PPA2: variants seen among roughly 807,000 people sequenced by gnomAD.
PPA2 encodes inorganic pyrophosphatase 2, mitochondrial.
Under a neutral mutation model 49.5 loss-of-function variants are expected in PPA2, and 48 were observed. The ratio of observed to expected loss-of-function variants is 0.97; its 90% CI spans 0.77 to 1.23. PPA2 has a LOEUF of 1.23. Ranked by LOEUF, PPA2 falls within the 50% of genes most tolerant of loss-of-function variation. The pLI is 0.00. For missense variants in PPA2, 429 were observed against 410.1 expected (o/e 1.05, Z -0.40); for synonymous variants, 131 against 139.9 (o/e 0.94, Z 0.45).
At position 105,396,333 on chromosome 4, in the gene PPA2, G is replaced by A. The variant is rs768973398; in HGVS notation, c.785C>T (p.Ala262Val). 2.0e-5 allele frequency: 31 copies of A among 1,570,086 alleles called. No homozygotes were observed. The highest frequency in any genetic ancestry group is 2.7e-5 in the Non-Finnish European group (31 of 1,159,654). ...GGATTTAATAACTTCAAGAGCAAAA[G>A]CCTAGCTCCAAACAAACAAATAAAA... Reference protein sequence around the residue: ...FAFNGEFKNKAFALEVIKSTH... With the variant: ...FAFNGEFKNKVFALEVIKSTH... The change falls in exon 9 of 12, where the codon GCT becomes GTT. Residue 262 changes from alanine to valine, a missense_variant and splice_region_variant. Coordinates refer to ENST00000341695, the MANE Select transcript of PPA2 (RefSeq NM_176869.3).
At chr4:105,470,411 G>A (rs1307929518) in intron 1 of PPA2, among the ~76,000 whole-genome samples, 2 of 152,152 alleles carry the variant, frequency 1.3e-5, no homozygotes, top group Non-Finnish European at 2.9e-5. Context: ...GCTTGAGCTG[G>A]GGAAGTCAAG....
At chr4:105,383,198 C>A (rs1351432795) in intron 10 of PPA2, among the ~76,000 whole-genome samples, 1 of 152,104 alleles carries the variant, frequency 6.6e-6, no homozygotes, top group African/African-American at 2.4e-5. Flanking sequence ...ATAGTTCAAA[C>A]ATCTATATTT....
chr4:105,471,595 A>T (rs1055943140), intron 1 of PPA2, among the ~76,000 whole-genome samples: 5 of 152,166 alleles, frequency 3.3e-5, no homozygotes, highest in African/African-American at 1.2e-4. Flanking sequence ...ACATTAGTCC[A>T]CCCTAGTACT....
At chr4:105,412,895 T>G (rs866826413) in intron 7 of PPA2, among the ~76,000 whole-genome samples, 2 of 152,150 alleles carry the variant, frequency 1.3e-5, no homozygotes, top group South Asian at 4.1e-4. Flanking sequence ...GGAGTGTAAA[T>G]TAGTTCAACC....
rs1313778889 is a variant in PPA2, at chr4:105,369,559, G to C, written c.*166C>G. 1.6e-6 allele frequency: 1 copy of C among 618,562 alleles called. No homozygotes were observed. Among genetic ancestry groups the C allele is most frequent in the African/African-American group, 1.9e-5 (1 of 53,610 alleles). The allele number at this position is 618,562 out of a possible 1,614,324, so 38.3% of individuals were successfully genotyped here. ...TTTATATCAATAAATGTCCAAAGGA[G>C]AGTAATTTAAAATTCTTACTGTTTA... On this transcript the variant is annotated 3_prime_UTR_variant, in exon 12 of 12. Coordinates refer to ENST00000341695, the MANE Select transcript of PPA2 (RefSeq NM_176869.3).
intron 1 of PPA2, among the ~76,000 whole-genome samples, chr4:105,469,320 A>T (rs766725019): frequency 3.3e-5 from 5 of 152,210 alleles, no homozygotes; most frequent in African/African-American, 4.8e-5. Context: ...AACTGGTCTG[A>T]AATCAGATTT....
intron 9 of PPA2, among the ~76,000 whole-genome samples, chr4:105,392,212 TATA>T (rs200034424): frequency 0.012 from 1,777 of 151,776 alleles, 44 homozygotes; most frequent in African/African-American, 0.041. Context: ...TCTCTGTTAA[TATA>T]ATATTTAGAT....
chr4:105,448,424 T>A (rs182315311), intron 4 of PPA2, among the ~76,000 whole-genome samples: 2 of 152,082 alleles, frequency 1.3e-5, no homozygotes, highest in African/African-American at 2.4e-5. Flanking sequence ...TTATAGAAGG[T>A]TTATATAACT....
rs536157038 is a variant in PPA2, at chr4:105,441,351, C to T, written c.442-3315G>A. Among the ~76,000 whole-genome samples, 5 of 152,088 alleles carry T rather than the reference C, an allele frequency of 3.3e-5. No individual in the cohort carries two copies. The East Asian group carries it at 9.7e-4, about 29-fold the overall frequency. The stretch of plus-strand genomic sequence containing the variant: ...ATGACTTATAAATTAAGAAAAGATA[C>T]CTAGTCTGATCAGAAAAATACTAGT... On this transcript the variant is annotated intron_variant, in intron 5 of 11. Coordinates refer to ENST00000341695, the MANE Select transcript of PPA2 (RefSeq NM_176869.3).
chr4:105,398,735 A>G (rs1734241561), intron 8 of PPA2: 1 of 200,652 alleles, frequency 5.0e-6, no homozygotes, highest in Non-Finnish European at 9.9e-6. Context: ...AACAGTAAAT[A>G]GAAAGTTTTT....
At chr4:105,410,213 C>G (rs957710420) in intron 7 of PPA2, among the ~76,000 whole-genome samples, 1 of 152,154 alleles carries the variant, frequency 6.6e-6, no homozygotes, top group African/African-American at 2.4e-5. Flanking sequence ...GTAGAGAACA[C>G]CTTAAATGAC....
At chr4:105,420,257 G>A (rs1212626039) in intron 7 of PPA2, among the ~76,000 whole-genome samples, 1 of 152,036 alleles carries the variant, frequency 6.6e-6, no homozygotes, top group African/African-American at 2.4e-5. Context: ...GAAACTAATA[G>A]GATGGATATA....
At chr4:105,392,873 G>A (rs2110385605) in intron 9 of PPA2, among the ~76,000 whole-genome samples, 1 of 152,226 alleles carries the variant, frequency 6.6e-6, no homozygotes, top group East Asian at 1.9e-4. Context: ...ACTGACAGAT[G>A]TAATGACAAA....
At chr4:105,431,037 C>T (rs999790662) in intron 6 of PPA2, among the ~76,000 whole-genome samples, 1 of 152,136 alleles carries the variant, frequency 6.6e-6, no homozygotes, top group Non-Finnish European at 1.5e-5. Context: ...TCTTCTCCTG[C>T]CAAACTGTAC....
intron 6 of PPA2, among the ~76,000 whole-genome samples, chr4:105,428,248 C>T (rs1399074209): frequency 6.6e-6 from 1 of 152,054 alleles, no homozygotes; most frequent in East Asian, 1.9e-4. Context: ...CAAAGACACG[C>T]CAAATTGTAA....
intron 10 of PPA2, among the ~76,000 whole-genome samples, chr4:105,385,065 G>C (rs975027743): frequency 4.6e-5 from 7 of 152,110 alleles, no homozygotes; most frequent in African/African-American, 7.2e-5. Context: ...GTGTGGCCTT[G>C]AATGCTCTTC....
At chr4:105,425,714 A>T (rs1016137604) in intron 6 of PPA2, among the ~76,000 whole-genome samples, 1 of 128,202 alleles carries the variant, frequency 7.8e-6, no homozygotes, top group Admixed American at 7.9e-5. Context: ...GAGAAAGGAC[A>T]CATGCACATA....
intron 4 of PPA2, among the ~76,000 whole-genome samples, chr4:105,448,753 A>G (rs989325082): frequency 6.6e-6 from 1 of 152,076 alleles, no homozygotes; most frequent in Non-Finnish European, 1.5e-5. Context: ...TATGAACCAA[A>G]TATATCTCAG....
At chr4:105,385,579 T>A (rs552338582) in intron 10 of PPA2, among the ~76,000 whole-genome samples, 1 of 152,270 alleles carries the variant, frequency 6.6e-6, no homozygotes, top group African/African-American at 2.4e-5. Context: ...ACCCTTAATT[T>A]ATAAATGAGA....
Sources: allele counts gnomAD v4.1 joint callset (sites outside exome capture counted in the v4.1 genomes callset), GRCh38; gene constraint gnomAD v4.1.1; transcripts MANE v1.5; gene names NCBI Gene and HGNC (gene_info 2026-07-23, HGNC 2026-07-21).